The following NBEA variants were observed in gnomAD, a reference collection of about 807,000 sequenced individuals.
The protein encoded by NBEA is lysosomal-trafficking regulator 2.
In NBEA, 44 loss-of-function variants were observed where a neutral mutation model predicts 343.4. That is an observed-to-expected ratio of 0.13 (90% CI 0.10 to 0.16). The LOEUF is 0.16. NBEA is among the 10% of genes least tolerant of loss of function. The probability of loss-of-function intolerance (pLI) is 1.00; values close to 1 mark genes in which losing one functional copy is unlikely to be tolerated. For synonymous variants in NBEA, 1,175 were observed against 1,238.7 expected, an observed-to-expected ratio of 0.95 and a Z score of 1.08; for missense variants, 2,555 against 3,631.3, an observed-to-expected ratio of 0.70 and a Z score of 7.62.
chr13:35,204,387 C>T (rs906454822), intron 31 of NBEA, among the ~76,000 whole-genome samples: 6 of 152,010 alleles, frequency 3.9e-5, no homozygotes, highest in Admixed American at 2.0e-4. Context: ...GAGTGAAAGG[C>T]GCTTCTTATA....
At chr13:35,170,150 C>A (rs1166359245) in intron 25 of NBEA, among the ~76,000 whole-genome samples, 1 of 151,550 alleles carries the variant, frequency 6.6e-6, no homozygotes. Flanking sequence ...ATTTTGAGTT[C>A]TTTTTTCAGT....
At chr13:35,348,068 C>T (rs1020257279) in intron 36 of NBEA, among the ~76,000 whole-genome samples, 1 of 152,052 alleles carries the variant, frequency 6.6e-6, no homozygotes, top group African/African-American at 2.4e-5. Flanking sequence ...AGGGCAAGTC[C>T]AGATCCACAA....
chr13:35,078,428 A>T (rs2064215717), intron 10 of NBEA, among the ~76,000 whole-genome samples: 1 of 152,132 alleles, frequency 6.6e-6, no homozygotes, highest in African/African-American at 2.4e-5. Flanking sequence ...TGTGATATGG[A>T]ATATGTTTTT....
chr13:35,534,794 A>G (rs1365563245), intron 41 of NBEA, among the ~76,000 whole-genome samples: 1 of 152,222 alleles, frequency 6.6e-6, no homozygotes, highest in Non-Finnish European at 1.5e-5. Flanking sequence ...ACCTAGCACA[A>G]TATCTGGATC....
chr13:35,068,981 T>G (rs2063761582), intron 8 of NBEA, among the ~76,000 whole-genome samples: 1 of 152,130 alleles, frequency 6.6e-6, no homozygotes, highest in Admixed American at 6.6e-5. Flanking sequence ...GTTTGGGACA[T>G]TTAATTTAAC....
At chr13:35,670,662 C>T (rs1305278806) in intron 58 of NBEA, among the ~76,000 whole-genome samples, 1 of 152,238 alleles carries the variant, frequency 6.6e-6, no homozygotes, top group Non-Finnish European at 1.5e-5. Context: ...CCGTGGGCCC[C>T]TCACGCTCTG....
intron 41 of NBEA, among the ~76,000 whole-genome samples, chr13:35,504,134 A>G (rs2076985576): frequency 6.6e-6 from 1 of 152,188 alleles, no homozygotes; most frequent in Admixed American, 6.5e-5. Context: ...TTCATGAGTG[A>G]ATATTTGTTT....
At chr13:35,603,585 T>C (rs1033316507) in intron 47 of NBEA, among the ~76,000 whole-genome samples, 1 of 152,264 alleles carries the variant, frequency 6.6e-6, no homozygotes, top group South Asian at 2.1e-4. Context: ...AAATTAAGAC[T>C]ATTTTAGTTG....
At chr13:35,024,264 A>G (rs904827629) in intron 1 of NBEA, among the ~76,000 whole-genome samples, 2 of 152,160 alleles carry the variant, frequency 1.3e-5, no homozygotes, top group African/African-American at 4.8e-5. Flanking sequence ...CATTGATTGC[A>G]TGCCTTTGCT....
chr13:35,609,978 C>T (rs943621644), intron 48 of NBEA, among the ~76,000 whole-genome samples: 1 of 152,156 alleles, frequency 6.6e-6, no homozygotes, highest in Admixed American at 6.5e-5. Context: ...TACGTCTGCA[C>T]TGATGCTTCC....
At chr13:35,267,890 A>G (rs575124824) in intron 34 of NBEA, among the ~76,000 whole-genome samples, 2 of 152,044 alleles carry the variant, frequency 1.3e-5, no homozygotes, top group African/African-American at 4.8e-5. Flanking sequence ...GGAATAACTT[A>G]AACACTGAAC....
At chr13:35,588,035 G>C (rs1295348726) in intron 46 of NBEA, among the ~76,000 whole-genome samples, 1 of 152,020 alleles carries the variant, frequency 6.6e-6, no homozygotes, top group Non-Finnish European at 1.5e-5. Flanking sequence ...ATTTAAACAT[G>C]TAACCAATAT....
intron 41 of NBEA, among the ~76,000 whole-genome samples, chr13:35,498,401 C>T (rs2076763972): frequency 6.6e-6 from 1 of 152,030 alleles, no homozygotes; most frequent in African/African-American, 2.4e-5. Flanking sequence ...CAGGAGTCCT[C>T]TGGCATTGAT....
chr13:35,614,544 C>T (rs1414588055), intron 48 of NBEA, among the ~76,000 whole-genome samples: 1 of 152,156 alleles, frequency 6.6e-6, no homozygotes, highest in African/African-American at 2.4e-5. Flanking sequence ...CAGTCAAGTG[C>T]TCAGTGAGGC....
intron 38 of NBEA, among the ~76,000 whole-genome samples, chr13:35,425,150 A>C (rs2044569700): frequency 6.6e-6 from 1 of 152,012 alleles, no homozygotes; most frequent in Admixed American, 6.6e-5. Flanking sequence ...TATTTCCTTC[A>C]GTTCTGCTCT....
intron 32 of NBEA, among the ~76,000 whole-genome samples, chr13:35,209,657 C>T (rs1371401678): frequency 6.6e-6 from 1 of 152,066 alleles, no homozygotes; most frequent in Non-Finnish European, 1.5e-5. Flanking sequence ...CTTCTCCAAA[C>T]TGTATAGCCT....
At chr13:35,376,302 G>A (rs2244776) in intron 38 of NBEA, among the ~76,000 whole-genome samples, 44,250 of 151,890 alleles carry the variant, frequency 0.29, 8,285 homozygotes, top group African/African-American at 0.54. Flanking sequence ...TGGAGTGAAA[G>A]CCTTCATCAC....
chr13:35,039,947 C>G (rs565196241), intron 1 of NBEA, among the ~76,000 whole-genome samples: 1 of 152,166 alleles, frequency 6.6e-6, no homozygotes, highest in South Asian at 2.1e-4. Flanking sequence ...CATCTTTGTT[C>G]CTAGAATTTA....
chr13:35,573,930 C>G (rs368581278), intron 45 of NBEA, among the ~76,000 whole-genome samples: 49 of 152,256 alleles, frequency 3.2e-4, no homozygotes, highest in African/African-American at 1.2e-3. Context: ...AAATATTAAG[C>G]AGTTAGAAGT....
Sources: allele counts gnomAD v4.1 joint callset (sites outside exome capture counted in the v4.1 genomes callset), GRCh38; gene constraint gnomAD v4.1.1; transcripts MANE v1.5; gene names NCBI Gene and HGNC (gene_info 2026-07-23, HGNC 2026-07-21).